Variants in DPF3 observed in about 807,000 individuals in gnomAD.
DPF3 encodes the protein double PHD fingers 3.
DPF3 carries 18 observed loss-of-function variants against 56.8 expected under a neutral mutation model. That is an observed-to-expected ratio of 0.32 (90% CI 0.22 to 0.47). The LOEUF is 0.47. DPF3 is among the 20% of genes least tolerant of loss of function. DPF3 has a pLI of 1.00. For synonymous variants in DPF3, 188 were observed against 180.2 expected (o/e 1.04, Z -0.35); for missense variants, 403 against 488.8 (o/e 0.82, Z 1.65).
At chr14:72,780,824 T>C (rs1317806282) in intron 1 of DPF3, among the ~76,000 whole-genome samples, 1 of 152,198 alleles carries the variant, frequency 6.6e-6, no homozygotes, top group Non-Finnish European at 1.5e-5. Context: ...ATCAGACCTA[T>C]GCCAGGAAAA....
chr14:72,734,961 A>G (rs1213816569), intron 3 of DPF3, among the ~76,000 whole-genome samples: 1 of 152,216 alleles, frequency 6.6e-6, no homozygotes, highest in East Asian at 1.9e-4. Flanking sequence ...ACTACACCCA[A>G]GAGCACAGTT....
At chr14:72,641,830 G>A (rs1176831502) in intron 8 of DPF3, among the ~76,000 whole-genome samples, 1 of 152,212 alleles carries the variant, frequency 6.6e-6, no homozygotes, top group South Asian at 2.1e-4. Context: ...ACAGTAAAGA[G>A]GAGTGACAAT....
chr14:72,725,167 G>C (rs1889349531), intron 4 of DPF3, among the ~76,000 whole-genome samples: 2 of 152,158 alleles, frequency 1.3e-5, no homozygotes. Context: ...TCCATGCTAG[G>C]CAAGCTGCAA....
At chr14:72,888,725 C>G (rs1886642837) in intron 1 of DPF3, among the ~76,000 whole-genome samples, 1 of 152,194 alleles carries the variant, frequency 6.6e-6, no homozygotes, top group Admixed American at 6.5e-5. Flanking sequence ...TGGGTCGTAG[C>G]TGGGCAAAAA....
chr14:72,669,999 G>A, intron 8 of DPF3: 1 of 985,998 alleles, frequency 1.0e-6, no homozygotes, highest in Non-Finnish European at 1.2e-6. Flanking sequence ...CTGTCAGTGA[G>A]GTGGGTGGCC....
At chr14:72,831,103 A>C (rs933796203) in intron 1 of DPF3, among the ~76,000 whole-genome samples, 6 of 152,148 alleles carry the variant, frequency 3.9e-5, no homozygotes, top group African/African-American at 1.4e-4. Flanking sequence ...CGGGCCAGGG[A>C]CAGAAAAAGG....
intron 1 of DPF3, among the ~76,000 whole-genome samples, chr14:72,865,796 C>A (rs2140104236): frequency 6.6e-6 from 1 of 152,324 alleles, no homozygotes; most frequent in East Asian, 1.9e-4. Context: ...CCTGTAATCC[C>A]AGCCCTTTGG....
intron 3 of DPF3, among the ~76,000 whole-genome samples, chr14:72,738,148 G>A (rs951456085): frequency 1.5e-4 from 23 of 152,146 alleles, no homozygotes; most frequent in Admixed American, 5.2e-4. Flanking sequence ...AGAGACTGGG[G>A]AGGGGGATCA....
At chr14:72,887,636 G>A (rs1440540419) in intron 1 of DPF3, among the ~76,000 whole-genome samples, 1 of 152,114 alleles carries the variant, frequency 6.6e-6, no homozygotes, top group African/African-American at 2.4e-5. Context: ...TGGCTTGAAA[G>A]GAATTTGGGG....
chr14:72,753,413 G>C (rs1241234377), intron 2 of DPF3, 42 bp from the exon 3 acceptor site: 8 of 1,517,490 alleles, frequency 5.3e-6, no homozygotes, highest in Non-Finnish European at 7.1e-6. Flanking sequence ...CTCCAGGCTG[G>C]AAGGGGCCTT....
rs145137147 is a variant in DPF3, at chr14:72,842,497, T to C, written c.32+51560A>G. On this transcript the variant is annotated intron_variant, in intron 1 of 10. Transcript: ENST00000556509. Reference sequence around the variant, plus strand: ...TAGTAAAGTGAACGTGCTAGAAGATTCCGTTCGATGGGGTTAGACTCAGAA... The same window carrying C: ...TAGTAAAGTGAACGTGCTAGAAGATCCCGTTCGATGGGGTTAGACTCAGAA... Among the ~76,000 whole-genome samples, 939 of 152,244 alleles carry C rather than the reference T, an allele frequency of 6.2e-3. 12 individuals are homozygous for C. The highest frequency in any genetic ancestry group is 0.021 in the African/African-American group (891 of 41,538).
Position 72,704,439 on chromosome 14 carries a change from C to T in DPF3, c.604+9984G>A, listed in dbSNP as rs533696915. Among the ~76,000 whole-genome samples the T allele has an allele frequency of 9.6e-4, 146 of 152,300 alleles. 2 individuals carry two copies. Among genetic ancestry groups the T allele is most frequent in the South Asian group, 3.3e-3 (16 of 4,822 alleles). ...CATCCTCTCTCTCAATATCTCTGTA[C>T]ACCTCCCATGCCAGGACATCAGTGC... On this transcript the variant is annotated intron_variant, in intron 6 of 10. Transcript: ENST00000556509.
chr14:72,811,838 C>T lies in DPF3; in HGVS notation c.33-39945G>A, dbSNP rs77833390. Among the ~76,000 whole-genome samples, 1,330 of 152,268 alleles carry T rather than the reference C, an allele frequency of 8.7e-3. 25 individuals carry two copies. The highest frequency in any genetic ancestry group is 0.03 in the African/African-American group (1,249 of 41,556). ...GATGGGAAGGGCAAGCTGTAGGTTA[C>T]TCCCATTCTGCAGATGAGAACACTG... On this transcript the variant is annotated intron_variant, in intron 1 of 10. Coordinates refer to ENST00000556509, the MANE Select transcript of DPF3 (RefSeq NM_001280542.3).
intron 3 of DPF3, among the ~76,000 whole-genome samples, chr14:72,737,219 CCA>C (rs969168568): frequency 2.7e-5 from 4 of 146,476 alleles, no homozygotes; most frequent in African/African-American, 5.0e-5. Context: ...ACAAAAAAAA[CCA>C]CACACACACA....
intron 7 of DPF3, among the ~76,000 whole-genome samples, chr14:72,681,171 T>C (rs986737797): frequency 1.3e-5 from 2 of 152,014 alleles, no homozygotes; most frequent in Non-Finnish European, 2.9e-5. Context: ...CAGAGGCTTT[T>C]TGAGGGGAAA....
rs913072802 is a variant in DPF3 at position 72,615,521 on chromosome 14, C to T, written c.*3776G>A. The stretch of plus-strand genomic sequence containing the variant: ...GCAACCCTCCAGGGTATCATGAAAC[C>T]ATCACTGTGAAACCCAAACCCTCCC... On this transcript the variant is annotated 3_prime_UTR_variant, in exon 11 of 11. Coordinates refer to ENST00000556509, the MANE Select transcript of DPF3 (RefSeq NM_001280542.3). 2.0e-5 allele frequency among the ~76,000 whole-genome samples: 3 copies of T among 152,152 alleles called. No individual in the cohort carries two copies. The highest frequency in any genetic ancestry group is 4.4e-5 in the Non-Finnish European group (3 of 68,020).
Position 72,731,864 on chromosome 14 carries a change from G to A in DPF3, c.372C>T (p.Gly124=), listed in dbSNP as rs541946936. 4.5e-5 allele frequency: 72 copies of A among 1,612,270 alleles called. 2 individuals carry two copies. The highest frequency in any genetic ancestry group is 3.8e-4 in the South Asian group (34 of 90,386). Residue 124 remains glycine, a synonymous_variant, in exon 4 of 11, where the codon GGC becomes GGT. Coordinates refer to ENST00000556509, the MANE Select transcript of DPF3 (RefSeq NM_001280542.3). ...ESTTLEALLR[G]EGVEKKVDAR... is the part of the protein sequence containing the mutation. ...CATCCACCTTCTTCTCAACCCCCTCGCCACGGAGCAAGGCTTCCAGCGTGG... is the reference window on the plus strand; with the variant it reads ...CATCCACCTTCTTCTCAACCCCCTCACCACGGAGCAAGGCTTCCAGCGTGG...
intron 1 of DPF3, among the ~76,000 whole-genome samples, chr14:72,838,919 T>A (rs1460488771): frequency 2.2e-4 from 6 of 27,576 alleles, no homozygotes; most frequent in East Asian, 9.1e-4. Context: ...TTTTTTTTTT[T>A]TTTTTTTTTT....
rs376458640 is a variant in DPF3 at position 72,838,908 on chromosome 14, C to CTTTTTTTTTTTT, written c.32+55137_32+55148dup. On this transcript the variant is annotated intron_variant, in intron 1 of 10. Transcript: ENST00000556509. ...TATCATATATATTATCATATATATT[C>CTTTTTTTTTTTT]TTTTTTTTTTTTTTTTTTTTTTTTT... is the stretch of plus-strand genomic sequence containing the variant. 6.9e-4 allele frequency among the ~76,000 whole-genome samples: 54 copies of CTTTTTTTTTTTT among 78,584 alleles called. 10 individuals carry two copies. The highest frequency in any genetic ancestry group is 2.8e-3 in the African/African-American group (41 of 14,410). The allele number at this position is 78,584 out of a possible 152,430, so 51.6% of individuals were successfully genotyped here. A position where few individuals can be genotyped will look rare whatever the true frequency, so the allele number is the denominator to read the frequency against.
Sources: gnomAD v4.1 joint callset for allele counts (sites outside exome capture counted in the v4.1 genomes callset) on GRCh38, gnomAD v4.1.1 for gene constraint, MANE v1.5 for transcripts, NCBI Gene and HGNC (gene_info 2026-07-23, HGNC 2026-07-21) for gene names.